The following DNTTIP1 variants were observed in gnomAD, a reference collection of about 807,000 sequenced individuals.
DNTTIP1 encodes deoxynucleotidyltransferase terminal interacting protein 1, also known as deoxynucleotidyltransferase terminal-interacting protein 1.
A neutral mutation model predicts 52.9 loss-of-function variants in DNTTIP1; 22 were observed. That is an observed-to-expected ratio of 0.42 (90% CI 0.30 to 0.59). DNTTIP1 has a LOEUF of 0.59. DNTTIP1 is among the 20% of genes least tolerant of loss of function. The pLI, the probability that DNTTIP1 is intolerant of heterozygous loss-of-function variation, is 0.22. For missense variants in DNTTIP1, 286 were observed against 435.5 expected, an observed-to-expected ratio of 0.66 and a Z score of 3.06; for synonymous variants, 136 against 155.1, an observed-to-expected ratio of 0.88 and a Z score of 0.92.
intron 4 of DNTTIP1, among the ~76,000 whole-genome samples, chr20:45,800,345 T>A (rs1019370640): frequency 3.9e-5 from 6 of 152,082 alleles, no homozygotes; most frequent in Non-Finnish European, 5.9e-5. Flanking sequence ...CAAGTTTTTT[T>A]AAAAATAGAT....
chr20:45,804,153 CACTCTGCTGGAAGT>C, intron 8 of DNTTIP1, among the ~76,000 whole-genome samples: 1 of 152,314 alleles, frequency 6.6e-6, no homozygotes, highest in Admixed American at 6.5e-5. Context: ...TCTGCTTGAC[CACTCTGCTGGAAGT>C]TTCATAGGCA....
In DNTTIP1 at chr20:45,792,119, C is replaced by T. The variant is rs762164728; in HGVS notation, c.105+10C>T. The T allele has an allele frequency of 4.9e-5, 62 of 1,266,072 alleles. No individual in the cohort carries two copies. Among genetic ancestry groups the T allele is most frequent in the Middle Eastern group, 6.1e-4 (2 of 3,280 alleles). The allele number at this position is 1,266,072 out of a possible 1,614,324, so 78.4% of individuals were successfully genotyped here. ...GCAGCTGGTTCTTACGGTGAGGGCGCCCCCGGTGAGGTCTGGGCTCAGGCC... is the reference window on the plus strand; with the variant it reads ...GCAGCTGGTTCTTACGGTGAGGGCGTCCCCGGTGAGGTCTGGGCTCAGGCC... On this transcript the variant is annotated intron_variant, in intron 1 of 12. Coordinates refer to ENST00000372622, the MANE Select transcript of DNTTIP1 (RefSeq NM_052951.3).
chr20:45,799,112 A>G (rs1253569233), intron 4 of DNTTIP1, among the ~76,000 whole-genome samples: 1 of 152,224 alleles, frequency 6.6e-6, no homozygotes, highest in African/African-American at 2.4e-5. Context: ...TTTGGTATAT[A>G]AGTCTAGAGC....
At position 45,809,551 on chromosome 20, in the gene DNTTIP1, A is replaced by G. The variant is rs556153814; in HGVS notation, c.795+366A>G. ...GATCACTCTTCCACCAGACACAGCT[A>G]TAGAATCTTTTCTCAACACAGTACT... On this transcript the variant is annotated intron_variant, in intron 11 of 12. Transcript: ENST00000372622. The surrounding 1 kb of genome is among the most constrained non-coding windows in gnomAD (Gnocchi z 4.2). Among the ~76,000 whole-genome samples, 3 of 152,092 alleles carry G rather than the reference A, an allele frequency of 2.0e-5. No homozygotes were observed. The highest frequency in any genetic ancestry group is 1.9e-4 in the East Asian group (1 of 5,192).
intron 4 of DNTTIP1, among the ~76,000 whole-genome samples, chr20:45,799,062 G>T (rs2145700063): frequency 6.6e-6 from 1 of 152,314 alleles, no homozygotes; most frequent in East Asian, 1.9e-4. Flanking sequence ...TTATGGATTA[G>T]CAGCTTTGAG....
chr20:45,795,244 T>G lies in DNTTIP1; in HGVS notation c.274-101T>G. 4.6e-6 allele frequency: 3 copies of G among 646,230 alleles called. No homozygotes were observed. In the Admixed American group the frequency reaches 9.1e-5, roughly 20 times the overall value. The allele number at this position is 646,230 out of a possible 1,614,324, so 40.0% of individuals were successfully genotyped here. ...GCCCTGCTCATAATCACTTTTCCCT[T>G]CTGTATGAAGCTAGGATAAAGACTT... On this transcript the variant is annotated intron_variant, in intron 3 of 12. Coordinates refer to ENST00000372622, the MANE Select transcript of DNTTIP1 (RefSeq NM_052951.3).
At chr20:45,805,004 T>A in intron 8 of DNTTIP1, 142 bp from the exon 9 acceptor site, 1 of 762,544 alleles carries the variant, frequency 1.3e-6, no homozygotes, top group South Asian at 1.5e-5. Flanking sequence ...CCTAGCATAT[T>A]GTGAGTACTC....
rs760354865 is a variant in DNTTIP1 at position 45,801,403 on chromosome 20, G to A, written c.443G>A (p.Arg148His). The change falls in exon 6 of 13, where the codon CGT becomes CAT. Residue 148 changes from arginine (R) to histidine (H), a missense_variant and splice_region_variant. Arg to His is a conservative substitution (Grantham distance 29). Around this residue, in one of 2 missense-constraint regions of DNTTIP1, gnomAD observed 208 missense variants for 266.5 expected, o/e 0.78. Coordinates refer to ENST00000372622, the MANE Select transcript of DNTTIP1 (RefSeq NM_052951.3). ...TGACTCCCTTCCCTTTTCTTTTAGC[G>A]TGGCCGTCAGGCAGAAGAAGAATGT... ...RLTHELPGIKRGRQAEEECAH... is the reference protein window; with the variant it reads ...RLTHELPGIKHGRQAEEECAH... 2.0e-5 allele frequency: 33 copies of A among 1,613,944 alleles called. No individual in the cohort carries two copies. Among genetic ancestry groups the A allele is most frequent in the East Asian group, 4.5e-5 (2 of 44,884 alleles).
At chr20:45,806,860 T>C (rs1032222382) in intron 10 of DNTTIP1, among the ~76,000 whole-genome samples, 10 of 152,200 alleles carry the variant, frequency 6.6e-5, no homozygotes, top group African/African-American at 2.4e-4. Flanking sequence ...GACTATTCTT[T>C]AAGATCCACC....
At chr20:45,808,988 A>C in intron 10 of DNTTIP1, 126 bp from the exon 11 acceptor site, 1 of 785,238 alleles carries the variant, frequency 1.3e-6, no homozygotes, top group Non-Finnish European at 2.1e-6. Context: ...GAGCCCTCTA[A>C]GTCCACCACG....
intron 4 of DNTTIP1, among the ~76,000 whole-genome samples, chr20:45,800,691 AAAAAT>A (rs1981412407): frequency 3.5e-5 from 2 of 57,102 alleles, no homozygotes; most frequent in African/African-American, 9.6e-5. Flanking sequence ...AAAAAAAAAA[AAAAAT>A]ATATATATAT....
At chr20:45,810,846 G>C (rs1403720230) in intron 11 of DNTTIP1, 39 bp from the exon 12 acceptor site, 2 of 1,593,482 alleles carry the variant, frequency 1.3e-6, no homozygotes, top group African/African-American at 2.7e-5. Flanking sequence ...GGAGTGAAAT[G>C]AATCAGGCAA....
At chr20:45,805,490 C>T (rs988876540) in intron 10 of DNTTIP1, 124 bp downstream of exon 10, 7 of 1,042,408 alleles carry the variant, frequency 6.7e-6, no homozygotes, top group African/African-American at 1.6e-5. Flanking sequence ...TCTAGTTGTG[C>T]CTCTGCCATT....
At chr20:45,793,269 A>T (rs1480129672) in intron 2 of DNTTIP1, among the ~76,000 whole-genome samples, 1 of 152,262 alleles carries the variant, frequency 6.6e-6, no homozygotes, top group East Asian at 1.9e-4. Flanking sequence ...TATATTTCAT[A>T]AAAACACTTT....
At position 45,793,823 on chromosome 20, in the gene DNTTIP1, G is replaced by C. The variant is rs904216383; in HGVS notation, c.177-98G>C. On this transcript the variant is annotated intron_variant, in intron 2 of 12. Transcript: ENST00000372622. ...GCTAGTTTTCAATAAAAGCTGTCTAGTATTGTTAAGGAATTCTATGTCCAT... is the reference window on the plus strand; with the variant it reads ...GCTAGTTTTCAATAAAAGCTGTCTACTATTGTTAAGGAATTCTATGTCCAT... The C allele has an allele frequency of 1.2e-4, 81 of 656,344 alleles. No individual in the cohort carries two copies. The Middle Eastern group carries it at 1.3e-3, about 10-fold the overall frequency. 40.7% of individuals were successfully genotyped at this position (656,344 alleles called of 1,614,324 possible).
At chr20:45,796,729 C>T (rs959416035) in intron 4 of DNTTIP1, among the ~76,000 whole-genome samples, 7 of 152,146 alleles carry the variant, frequency 4.6e-5, no homozygotes, top group Non-Finnish European at 7.3e-5. Context: ...ACTTTGTTTT[C>T]GCTTCAGTCC....
intron 8 of DNTTIP1, among the ~76,000 whole-genome samples, chr20:45,803,634 C>T (rs1356046907): frequency 2.0e-5 from 3 of 152,204 alleles, no homozygotes; most frequent in Non-Finnish European, 4.4e-5. Flanking sequence ...GTCACTAATA[C>T]TGATTCAATA....
rs1311651692 is a variant in DNTTIP1, at chr20:45,811,239, C to T, written c.*44C>T. 6.4e-7 allele frequency: 1 copy of T among 1,564,108 alleles called. No individual in the cohort carries two copies. Among genetic ancestry groups the T allele is most frequent in the East Asian group, 2.2e-5 (1 of 44,660 alleles). ...CACTTGGCAGCCCTCCTCCAAAGCCCTCTTCCTCACGTGGCTGAGGCCACC... is the reference window on the plus strand; with the variant it reads ...CACTTGGCAGCCCTCCTCCAAAGCCTTCTTCCTCACGTGGCTGAGGCCACC... On this transcript the variant is annotated 3_prime_UTR_variant, in exon 13 of 13. Transcript: ENST00000372622.
chr20:45,796,894 T>C (rs546116236), intron 4 of DNTTIP1, among the ~76,000 whole-genome samples: 1 of 152,312 alleles, frequency 6.6e-6, no homozygotes, highest in South Asian at 2.1e-4. Context: ...CTCTGTTGGC[T>C]AGAGTGCCTT....
Sources: gnomAD v4.1 joint callset for allele counts (sites outside exome capture counted in the v4.1 genomes callset) on GRCh38, gnomAD v4.1.1 for gene constraint, gnomAD v4.1.1 regional missense constraint, Gnocchi (gnomAD v3.1) non-coding constraint, MANE v1.5 for transcripts, NCBI Gene and HGNC (gene_info 2026-07-23, HGNC 2026-07-21) for gene names.